MAP4K3: variants seen among roughly 807,000 people sequenced by gnomAD.
The protein encoded by MAP4K3 is MAPK/ERK kinase kinase kinase 3.
MAP4K3 carries 94 observed loss-of-function variants against 143.5 expected under a neutral mutation model. The observed-to-expected ratio is 0.65, with a 90% confidence interval of 0.55 to 0.78. MAP4K3 has a LOEUF of 0.78. Among genes scored for constraint, MAP4K3 ranks in the 30% least tolerant of loss-of-function variants. The probability of loss-of-function intolerance (pLI) is 0.00; values close to 1 mark genes in which losing one functional copy is unlikely to be tolerated. For synonymous variants in MAP4K3, 416 were observed against 347.2 expected (o/e 1.20, Z -2.20); for missense variants, 1,077 against 1,068.1 (o/e 1.01, Z -0.12).
intron 1 of MAP4K3, among the ~76,000 whole-genome samples, chr2:39,398,369 T>C (rs1666865994): frequency 6.6e-6 from 1 of 151,792 alleles, no homozygotes; most frequent in Non-Finnish European, 1.5e-5. Context: ...GGAATAAAAA[T>C]AAAGAAACCA....
intron 2 of MAP4K3, among the ~76,000 whole-genome samples, chr2:39,377,854 TCCC>T (rs1475018059): frequency 6.6e-6 from 1 of 152,128 alleles, no homozygotes; most frequent in East Asian, 1.9e-4. Context: ...TTCCCCTTCC[TCCC>T]CCAATTATCA....
intron 1 of MAP4K3, among the ~76,000 whole-genome samples, chr2:39,406,378 G>A (rs985485229): frequency 6.6e-6 from 1 of 152,084 alleles, no homozygotes; most frequent in African/African-American, 2.4e-5. Flanking sequence ...CCAAGTACAA[G>A]AAGGTTATAA....
At chr2:39,328,578 T>C (rs1360141184) in intron 8 of MAP4K3, among the ~76,000 whole-genome samples, 4 of 152,144 alleles carry the variant, frequency 2.6e-5, no homozygotes, top group East Asian at 1.9e-4. Context: ...GTAGAGCATT[T>C]ACTAAAAAGG....
intron 1 of MAP4K3, among the ~76,000 whole-genome samples, chr2:39,429,097 A>G (rs1466932730): frequency 1.4e-5 from 2 of 144,820 alleles, no homozygotes; most frequent in South Asian, 2.2e-4. Context: ...AAAGGAGTCC[A>G]TATGCTCAGG....
rs570395239 is a variant in MAP4K3 at position 39,282,213 on chromosome 2, A to T, written c.1629+300T>A. On this transcript the variant is annotated intron_variant, in intron 22 of 33. Transcript: ENST00000263881. ...CCGTCTCAAAAAAAAAAAAAAAGAA[A>T]AAGGGCAGGCATGGTAGTTTATGCC... is the stretch of plus-strand genomic sequence containing the variant. Among the ~76,000 whole-genome samples, 17 of 152,098 alleles carry T rather than the reference A, an allele frequency of 1.1e-4. No individual in the cohort carries two copies. The East Asian group carries it at 2.7e-3, about 24-fold the overall frequency.
At chr2:39,255,335 C>G (rs1445001795) in intron 31 of MAP4K3, among the ~76,000 whole-genome samples, 2 of 152,140 alleles carry the variant, frequency 1.3e-5, no homozygotes, top group East Asian at 3.8e-4. Context: ...ATAAACAGAA[C>G]AAGATTTAGT....
At chr2:39,306,061 C>T (rs570929417) in intron 15 of MAP4K3, among the ~76,000 whole-genome samples, 6 of 152,254 alleles carry the variant, frequency 3.9e-5, no homozygotes, top group African/African-American at 1.4e-4. Flanking sequence ...ATCTCCTGAC[C>T]TCATGATCTG....
intron 1 of MAP4K3, among the ~76,000 whole-genome samples, chr2:39,395,594 A>G (rs547019779): frequency 1.3e-5 from 2 of 152,308 alleles, no homozygotes; most frequent in East Asian, 3.9e-4. Flanking sequence ...TTCTTTTGGG[A>G]TGAATGTAAT....
chr2:39,281,503 G>C (rs757593230), intron 22 of MAP4K3, among the ~76,000 whole-genome samples: 1 of 152,118 alleles, frequency 6.6e-6, no homozygotes, highest in Non-Finnish European at 1.5e-5. Flanking sequence ...GACCTTTTAA[G>C]ACAGCTACGG....
intron 12 of MAP4K3, among the ~76,000 whole-genome samples, chr2:39,322,471 T>C (rs1683339844): frequency 1.3e-5 from 2 of 151,940 alleles, no homozygotes; most frequent in Non-Finnish European, 2.9e-5. Context: ...AGAATTAGAA[T>C]TACACCAGTG....
At chr2:39,314,040 T>C (rs894300380) in intron 13 of MAP4K3, among the ~76,000 whole-genome samples, 2 of 152,194 alleles carry the variant, frequency 1.3e-5, no homozygotes, top group African/African-American at 4.8e-5. Flanking sequence ...CTAATTACTT[T>C]TTTTTTTCCA....
At chr2:39,347,739 T>C (rs537152012) in intron 3 of MAP4K3, among the ~76,000 whole-genome samples, 2 of 152,160 alleles carry the variant, frequency 1.3e-5, no homozygotes, top group East Asian at 1.9e-4. Flanking sequence ...AATAAATAAA[T>C]TTTTTTCTTT....
chr2:39,427,486 T>C (rs911019493), intron 1 of MAP4K3, among the ~76,000 whole-genome samples: 15 of 152,010 alleles, frequency 9.9e-5, no homozygotes, highest in Non-Finnish European at 1.9e-4. Flanking sequence ...TAATAAAAAC[T>C]AAACTGGGAC....
At chr2:39,336,896 T>C in intron 6 of MAP4K3, 24 bp downstream of exon 6, 1 of 1,002,862 alleles carries the variant, frequency 1.0e-6, no homozygotes, top group Non-Finnish European at 1.4e-6. Context: ...GAGAGGGTTA[T>C]TATGTTAAAA....
intron 4 of MAP4K3, among the ~76,000 whole-genome samples, chr2:39,340,927 T>G (rs1485114049): frequency 2.0e-5 from 3 of 152,022 alleles, no homozygotes; most frequent in Admixed American, 6.6e-5. Flanking sequence ...AATAGGAAAT[T>G]GAGTTGAAGA....
chr2:39,336,141 A>G (rs1355471080), intron 6 of MAP4K3, among the ~76,000 whole-genome samples: 1 of 152,168 alleles, frequency 6.6e-6, no homozygotes, highest in East Asian at 1.9e-4. Context: ...CAGCACATTC[A>G]GAGCACCTGC....
At chr2:39,298,397 T>G (rs1484456525) in intron 16 of MAP4K3, among the ~76,000 whole-genome samples, 3 of 152,126 alleles carry the variant, frequency 2.0e-5, no homozygotes, top group African/African-American at 7.2e-5. Context: ...TTTTTAAAAC[T>G]CTGATAGTAT....
intron 2 of MAP4K3, among the ~76,000 whole-genome samples, chr2:39,361,058 T>C (rs1351397260): frequency 6.6e-6 from 1 of 152,192 alleles, no homozygotes; most frequent in Non-Finnish European, 1.5e-5. Flanking sequence ...ATTAAGGATA[T>C]GCACTTTGAA....
intron 28 of MAP4K3, among the ~76,000 whole-genome samples, chr2:39,263,841 T>C (rs1467119337): frequency 1.3e-5 from 2 of 152,204 alleles, no homozygotes; most frequent in South Asian, 2.1e-4. Context: ...AAGCGTCCTA[T>C]GTCTTCAAAG....
Sources: gnomAD v4.1 joint callset for allele counts (sites outside exome capture counted in the v4.1 genomes callset) on GRCh38, gnomAD v4.1.1 for gene constraint, MANE v1.5 for transcripts, NCBI Gene and HGNC (gene_info 2026-07-23, HGNC 2026-07-21) for gene names.